The following DDX43 variants were observed in gnomAD, a reference collection of about 807,000 sequenced individuals.
The protein encoded by DDX43 is DEAD-box helicase 43, also known as probable ATP-dependent RNA helicase DDX43.
Under a neutral mutation model 84.9 loss-of-function variants are expected in DDX43, and 50 were observed. The observed-to-expected ratio is 0.59, with a 90% CI of 0.47 to 0.75. The LOEUF (loss-of-function observed/expected upper bound fraction) is 0.75. DDX43 is among the 30% of genes least tolerant of loss of function. DDX43 has a pLI of 0.00. For synonymous variants in DDX43, 291 were observed against 266.3 expected, an observed-to-expected ratio of 1.09 and a Z score of -0.90; for missense variants, 689 against 798.6, an observed-to-expected ratio of 0.86 and a Z score of 1.65.
intron 4 of DDX43, among the ~76,000 whole-genome samples, chr6:73,403,034 T>C (rs1769606686): frequency 6.6e-6 from 1 of 152,246 alleles, no homozygotes; most frequent in African/African-American, 2.4e-5. Flanking sequence ...TACCAAAATA[T>C]TGACAGTTAT....
rs1235200249 is a variant in DDX43, at chr6:73,407,502, A to G, written c.927-3A>G. ...TTAATATTAATCTGTTTTCTCTCCA[A>G]AGCCTTAAAGGTCAAAGGAATAGAC... On this transcript the variant is annotated splice_region_variant and splice_polypyrimidine_tract_variant and intron_variant, in intron 7 of 16. Transcript: ENST00000370336. 1 of 1,592,366 alleles carries G rather than the reference A, an allele frequency of 6.3e-7. No individual in the cohort carries two copies. The highest frequency in any genetic ancestry group is 1.3e-5 in the African/African-American group (1 of 74,260).
rs1769853824 is a variant in DDX43 at position 73,413,958 on chromosome 6, C to G, written c.1497-12C>G. The stretch of plus-strand genomic sequence containing the variant: ...AAGCACCTAAGAATGCTGAGTTTAT[C>G]TTTTGCTTCAGTGCGGATCACTTAT... On this transcript the variant is annotated splice_polypyrimidine_tract_variant and intron_variant, in intron 12 of 16. Transcript: ENST00000370336. 6.3e-7 allele frequency: 1 copy of G among 1,587,462 alleles called. No homozygotes were observed. The highest frequency in any genetic ancestry group is 8.6e-7 in the Non-Finnish European group (1 of 1,158,088).
At chr6:73,413,007 C>T (rs144076316) in intron 11 of DDX43, among the ~76,000 whole-genome samples, 23 of 152,258 alleles carry the variant, frequency 1.5e-4, no homozygotes, top group African/African-American at 5.1e-4. Context: ...GGATTACAGG[C>T]GTGAGCCACC....
Position 73,408,076 on chromosome 6 carries a change from T to A in DDX43, c.1154T>A (p.Val385Asp). Residue 385 changes from valine to aspartate, a missense_variant, in exon 9 of 17, where the codon GTC (valine) becomes GAC (aspartate). Physicochemically the swap from Val to Asp is radical, Grantham distance 152. Around this residue, in one of 2 missense-constraint regions of DDX43, gnomAD observed 552 missense variants for 692.7 expected, o/e 0.80. Coordinates refer to ENST00000370336, the MANE Select transcript of DDX43 (RefSeq NM_018665.3). ...RLNDLQMSNF[V>D]NLKNITYLVL... Reference sequence around the variant, plus strand: ...AATGATCTGCAAATGAGTAACTTCGTCAATCTGAAGAATATAACCTACTTG... The same window carrying A: ...AATGATCTGCAAATGAGTAACTTCGACAATCTGAAGAATATAACCTACTTG... 1.9e-6 allele frequency: 3 copies of A among 1,614,020 alleles called. No homozygotes were observed. The highest frequency in any genetic ancestry group is 2.5e-6 in the Non-Finnish European group (3 of 1,179,984).
At chr6:73,405,605 A>C (rs1442228416) in intron 5 of DDX43, 74 bp from the exon 6 acceptor site, 57 of 1,460,712 alleles carry the variant, frequency 3.9e-5, no homozygotes, top group Non-Finnish European at 5.0e-5. Context: ...AGATAAGACC[A>C]GCACTGATTT....
chr6:73,409,121 G>T, intron 9 of DDX43, 127 bp from the exon 10 acceptor site: 1 of 705,300 alleles, frequency 1.4e-6, no homozygotes. Flanking sequence ...GGAGAAATTA[G>T]AATCGTGGCT....
chr6:73,416,288 GCTTA>G, intron 16 of DDX43, 37 bp downstream of exon 16: 1 of 815,170 alleles, frequency 1.2e-6, no homozygotes, highest in Non-Finnish European at 2.1e-6. Flanking sequence ...TAAAATGCCT[GCTTA>G]CTTAAACTAG....
Position 73,409,328 on chromosome 6 carries a change from T to C in DDX43, c.1260T>C (p.Asp420=), listed in dbSNP as rs200031819. 1.2e-6 allele frequency: 2 copies of C among 1,613,944 alleles called. No homozygotes were observed. The highest frequency in any genetic ancestry group is 4.5e-5 in the East Asian group (2 of 44,854). The change falls in exon 10 of 17, where the codon GAT becomes GAC. Residue 420 remains aspartate, a synonymous_variant. Transcript: ENST00000370336. ...IMKILLDVRP[D]RQTVMTSATW... The stretch of plus-strand genomic sequence containing the variant: ...AGATTTTGTTAGATGTGCGCCCAGA[T>C]AGGCAGACAGTTATGACCAGGTACG...
In DDX43 at chr6:73,400,281, G is replaced by A; in HGVS notation, c.354G>A (p.Lys118=). ...PESLVKIFGS[K]AMQTKAKAVI... ...CATTAGTCAAAATTTTTGGCAGCAA[G>A]GCAATGCAAACGAAAGCAAAAGCAG... Residue 118 remains lysine (K), a synonymous_variant, in exon 3 of 17, where the codon AAG becomes AAA. Coordinates refer to ENST00000370336, the MANE Select transcript of DDX43 (RefSeq NM_018665.3). 5 of 1,608,252 alleles carry A rather than the reference G, an allele frequency of 3.1e-6. No individual in the cohort carries two copies. Among genetic ancestry groups the A allele is most frequent in the Non-Finnish European group, 3.4e-6 (4 of 1,177,846 alleles).
At chr6:73,400,082 T>A (rs2150789704) in intron 2 of DDX43, 152 bp from the exon 3 acceptor site, 1 of 517,678 alleles carries the variant, frequency 1.9e-6, no homozygotes, top group Non-Finnish European at 3.2e-6. Context: ...TAACTAGAAA[T>A]TTAGACATTG....
At chr6:73,413,496 C>A in intron 11 of DDX43, 162 bp from the exon 12 acceptor site, 1 of 560,064 alleles carries the variant, frequency 1.8e-6, no homozygotes, top group Non-Finnish European at 3.0e-6. Context: ...AGATACAAAT[C>A]TTGAGTAGAA....
intron 11 of DDX43, 57 bp from the exon 12 acceptor site, chr6:73,413,593 TGATGTATG>T: frequency 6.8e-7 from 1 of 1,477,628 alleles, no homozygotes; most frequent in Non-Finnish European, 9.1e-7. Flanking sequence ...CATTTTGAGC[TGATGTATG>T]CGGTCTCACC....
At chr6:73,398,552 G>A (rs1422335720) in intron 2 of DDX43, among the ~76,000 whole-genome samples, 1 of 151,336 alleles carries the variant, frequency 6.6e-6, no homozygotes, top group Admixed American at 6.6e-5. Context: ...AGGCCCAGTC[G>A]GAGGTAAAAA....
At chr6:73,397,015 GA>G (rs1348621184) in intron 1 of DDX43, among the ~76,000 whole-genome samples, 1 of 152,136 alleles carries the variant, frequency 6.6e-6, no homozygotes, top group African/African-American at 2.4e-5. Flanking sequence ...GTGTTATTAT[GA>G]AAATGGAAGT....
intron 1 of DDX43, among the ~76,000 whole-genome samples, chr6:73,396,571 A>G (rs562193132): frequency 6.6e-6 from 1 of 152,356 alleles, no homozygotes; most frequent in African/African-American, 2.4e-5. Flanking sequence ...GCTACAGAGC[A>G]CTCACTTGAT....
chr6:73,414,544 T>C lies in DDX43; in HGVS notation c.1607-4T>C. ...TTCAGTGTTCATTTGGCTTTACTTT[T>C]TAGGCAAAGTGAGAATACTAATTGC... On this transcript the variant is annotated splice_polypyrimidine_tract_variant and splice_region_variant and intron_variant, in intron 13 of 16. Transcript: ENST00000370336. The C allele has an allele frequency of 6.2e-7, 1 of 1,609,674 alleles. No individual in the cohort carries two copies. Among genetic ancestry groups the C allele is most frequent in the Non-Finnish European group, 8.5e-7 (1 of 1,178,098 alleles).
intron 11 of DDX43, among the ~76,000 whole-genome samples, chr6:73,412,706 C>T (rs1280348150): frequency 1.4e-4 from 16 of 115,996 alleles, no homozygotes; most frequent in African/African-American, 4.6e-4. Flanking sequence ...TGCGTGCGCA[C>T]GCATGTGCAA....
chr6:73,395,030 G>A lies in DDX43; in HGVS notation c.125G>A (p.Gly42Glu). ...GAGTTGAATCGAACAGGTCCTGAGG[G>A]ATATAGTGTCGGCAGAGGTGGTCGC... ...AEELNRTGPE[G>E]YSVGRGGRWR... The change falls in exon 1 of 17, where the codon GGA becomes GAA. Residue 42 changes from glycine to glutamate, a missense_variant. Around this residue, in one of 2 missense-constraint regions of DDX43, gnomAD observed 137 missense variants for 105.9 expected, o/e 1.29. Transcript: ENST00000370336. 5 of 1,614,260 alleles carry A rather than the reference G, an allele frequency of 3.1e-6. No individual in the cohort carries two copies. The highest frequency in any genetic ancestry group is 1.1e-5 in the South Asian group (1 of 91,086).
At chr6:73,406,965 A>T (rs969758294) in intron 7 of DDX43, 1 of 153,946 alleles carries the variant, frequency 6.5e-6, no homozygotes, top group African/African-American at 2.4e-5. Flanking sequence ...ACATTTTCTT[A>T]TGGGGAATTT....
Sources: gnomAD v4.1 joint callset for allele counts (sites outside exome capture counted in the v4.1 genomes callset) on GRCh38, gnomAD v4.1.1 for gene constraint, gnomAD v4.1.1 regional missense constraint, MANE v1.5 for transcripts, NCBI Gene and HGNC (gene_info 2026-07-23, HGNC 2026-07-21) for gene names.